Variants in PARD3B observed in about 807,000 individuals in gnomAD.
The protein encoded by PARD3B is par-3 family cell polarity regulator beta.
Under a neutral mutation model 130.2 loss-of-function variants are expected in PARD3B, and 103 were observed. The ratio of observed to expected loss-of-function variants is 0.79; its 90% CI spans 0.67 to 0.93. The LOEUF is 0.93. Ranked by LOEUF, PARD3B falls within the 40% of genes least tolerant of loss-of-function variation. PARD3B has a pLI of 0.00. For synonymous variants in PARD3B, 583 were observed against 553.2 expected (o/e 1.05, Z -0.76); for missense variants, 1,609 against 1,499.2 (o/e 1.07, Z -1.21).
At chr2:204,602,974 T>A (rs1470215903) in intron 1 of PARD3B, among the ~76,000 whole-genome samples, 2 of 152,090 alleles carry the variant, frequency 1.3e-5, no homozygotes, top group Admixed American at 6.6e-5. Context: ...AGCTGTAGAA[T>A]CAGAATAATT....
intron 4 of PARD3B, among the ~76,000 whole-genome samples, chr2:205,101,675 A>G (rs1417536720): frequency 6.6e-6 from 1 of 152,238 alleles, no homozygotes; most frequent in Admixed American, 6.5e-5. Flanking sequence ...TGGTATATCC[A>G]TAAAGTGGAA....
intron 2 of PARD3B, among the ~76,000 whole-genome samples, chr2:204,957,949 A>G (rs1690409689): frequency 6.6e-6 from 1 of 152,162 alleles, no homozygotes; most frequent in South Asian, 2.1e-4. Context: ...AGTTGGTAAC[A>G]CAGAATATGT....
chr2:204,778,759 C>T (rs1447431881), intron 2 of PARD3B, among the ~76,000 whole-genome samples: 2 of 152,116 alleles, frequency 1.3e-5, no homozygotes, highest in South Asian at 2.1e-4. Context: ...CATCTCCTGC[C>T]TGGACTTCTG....
intron 15 of PARD3B, among the ~76,000 whole-genome samples, chr2:205,232,048 C>T (rs750501832): frequency 1.1e-4 from 16 of 152,338 alleles, no homozygotes; most frequent in Non-Finnish European, 2.2e-4. Context: ...TTGTACAGCA[C>T]AATCAGCATA....
intron 2 of PARD3B, among the ~76,000 whole-genome samples, chr2:204,874,724 T>C (rs1679061429): frequency 6.6e-6 from 1 of 152,204 alleles, no homozygotes; most frequent in African/African-American, 2.4e-5. Context: ...TAAGTTGCCA[T>C]GTGCCTCTTT....
chr2:205,127,432 C>T (rs914943198), intron 10 of PARD3B, among the ~76,000 whole-genome samples: 2 of 151,786 alleles, frequency 1.3e-5, no homozygotes, highest in Admixed American at 1.3e-4. Context: ...TAAGAATTGA[C>T]AAAGGCACAT....
intron 2 of PARD3B, among the ~76,000 whole-genome samples, chr2:204,767,133 A>G (rs960664010): frequency 1.0e-4 from 8 of 76,526 alleles, no homozygotes; most frequent in South Asian, 1.2e-3. Context: ...ATATCTCCCA[A>G]TGCTATCCCT....
chr2:205,194,191 G>A (rs1032476384), intron 15 of PARD3B, among the ~76,000 whole-genome samples: 8 of 152,140 alleles, frequency 5.3e-5, no homozygotes, highest in East Asian at 1.9e-4. Flanking sequence ...TAGTAACAAC[G>A]AGAAAATAGA....
At chr2:204,625,368 A>T (rs1239005776) in intron 1 of PARD3B, among the ~76,000 whole-genome samples, 1 of 152,164 alleles carries the variant, frequency 6.6e-6, no homozygotes, top group Non-Finnish European at 1.5e-5. Context: ...AAGGGAGGGC[A>T]AGGAACATGC....
intron 2 of PARD3B, among the ~76,000 whole-genome samples, chr2:204,875,031 C>T (rs908272701): frequency 1.3e-5 from 2 of 152,128 alleles, no homozygotes; most frequent in Non-Finnish European, 2.9e-5. Context: ...ATTTATATCT[C>T]CCTTATCATT....
At chr2:204,965,439 A>C in intron 3 of PARD3B, 116 bp downstream of exon 3, 1 of 1,128,854 alleles carries the variant, frequency 8.9e-7, no homozygotes, top group South Asian at 1.6e-5. Flanking sequence ...ATCGTGGTTT[A>C]TCTTTTCTTT....
In PARD3B at chr2:205,470,212, G is replaced by A. The variant is rs369377019; in HGVS notation, c.3044+29540G>A. Among the ~76,000 whole-genome samples, 1 of 152,170 alleles carries A rather than the reference G, an allele frequency of 6.6e-6. No homozygotes were observed. Among genetic ancestry groups the A allele is most frequent in the Admixed American group, 6.5e-5 (1 of 15,268 alleles). On this transcript the variant is annotated intron_variant, in intron 20 of 22. Coordinates refer to ENST00000406610, the MANE Select transcript of PARD3B (RefSeq NM_001302769.2). This position sits in a 1 kb window ranked among gnomAD's most constrained non-coding sequence, Gnocchi z 4.8. ...GCAAAATAGGAGTTCAGGTTGCTCT[G>A]CCTTTTCTCTGGCACTGTTACCATG...
chr2:205,400,641 CA>C (rs375044318), intron 18 of PARD3B, among the ~76,000 whole-genome samples: 1,387 of 137,362 alleles, frequency 0.01, 20 homozygotes, highest in African/African-American at 0.032. Context: ...GACGCTGTCT[CA>C]AAAAAAAAAA....
intron 1 of PARD3B, among the ~76,000 whole-genome samples, chr2:204,589,349 AT>A (rs202208017): frequency 0.018 from 2,683 of 152,318 alleles, 32 homozygotes; most frequent in Middle Eastern, 0.075. Flanking sequence ...GCTGGTAGTA[AT>A]AAGATGGGAT....
At chr2:205,143,150 G>A (rs1262774067) in intron 10 of PARD3B, among the ~76,000 whole-genome samples, 2 of 152,102 alleles carry the variant, frequency 1.3e-5, no homozygotes, top group Non-Finnish European at 2.9e-5. Context: ...TGAATATTAT[G>A]TCAGCACTTG....
At chr2:205,208,431 C>T (rs1013907137) in intron 15 of PARD3B, among the ~76,000 whole-genome samples, 1 of 143,796 alleles carries the variant, frequency 7.0e-6, no homozygotes, top group Non-Finnish European at 1.5e-5. Flanking sequence ...GTCAAATTGT[C>T]CCTGTTTGCA....
intron 10 of PARD3B, among the ~76,000 whole-genome samples, chr2:205,153,234 C>T (rs1313214429): frequency 6.6e-6 from 1 of 152,172 alleles, no homozygotes; most frequent in Non-Finnish European, 1.5e-5. Flanking sequence ...ACTTGGGGGT[C>T]AGGGACCCAC....
intron 21 of PARD3B, among the ~76,000 whole-genome samples, chr2:205,521,436 C>CTCTT (rs1553536390): frequency 2.0e-5 from 3 of 151,932 alleles, no homozygotes; most frequent in Non-Finnish European, 2.9e-5. Context: ...CGTCAATAGA[C>CTCTT]TCTTTAACTT....
intron 2 of PARD3B, among the ~76,000 whole-genome samples, chr2:204,726,084 A>G (rs2039213009): frequency 6.6e-6 from 1 of 152,216 alleles, no homozygotes; most frequent in Admixed American, 6.5e-5. Flanking sequence ...ACCACCCATC[A>G]GTGGATCTGC....
Sources: allele counts gnomAD v4.1 joint callset (sites outside exome capture counted in the v4.1 genomes callset), GRCh38; gene constraint gnomAD v4.1.1; non-coding constraint Gnocchi (gnomAD v3.1); transcripts MANE v1.5; gene names NCBI Gene and HGNC (gene_info 2026-07-23, HGNC 2026-07-21).